Variants in LINGO2 observed in about 807,000 individuals in gnomAD.
The protein encoded by LINGO2 is leucine-rich repeat and immunoglobulin-like domain-containing nogo receptor-interacting protein 2.
A neutral mutation model predicts 30.6 loss-of-function variants in LINGO2; 14 were observed. The observed-to-expected ratio is 0.46, with a 90% CI of 0.30 to 0.72. The LOEUF (loss-of-function observed/expected upper bound fraction) is 0.72, where lower values mean the gene tolerates loss of function less well. Ranked by LOEUF, LINGO2 falls within the 30% of genes least tolerant of loss-of-function variation. LINGO2 has a pLI of 0.07. For missense variants in LINGO2, 729 were observed against 751.7 expected (o/e 0.97, Z 0.35); for synonymous variants, 317 against 288.5 (o/e 1.10, Z -1.00).
At chr9:28,503,092 T>C (rs2135323791) in intron 1 of LINGO2, among the ~76,000 whole-genome samples, 1 of 152,160 alleles carries the variant, frequency 6.6e-6, no homozygotes, top group African/African-American at 2.4e-5. Context: ...AAGGTATAAT[T>C]TTTACGAATT....
At chr9:29,003,426 A>G in the LINGO2 span, among the ~76,000 whole-genome samples, 1 of 151,996 alleles carries the variant, frequency 6.6e-6, no homozygotes, top group Non-Finnish European at 1.5e-5. Context: ...CCACTTTTAC[A>G]GGTGTGTAGA....
At chr9:28,336,035 A>C (rs1270992495) in intron 3 of LINGO2, among the ~76,000 whole-genome samples, 1 of 152,034 alleles carries the variant, frequency 6.6e-6, no homozygotes, top group African/African-American at 2.4e-5. Context: ...GTGGTTATAC[A>C]ATTTTACATT....
chr9:27,943,036 T>A, the LINGO2 span: 1 of 152,198 alleles, frequency 6.6e-6, no homozygotes, highest in Non-Finnish European at 1.5e-5. Flanking sequence ...TGTATATACA[T>A]CATTTTGCTG....
the LINGO2 span, among the ~76,000 whole-genome samples, chr9:29,035,604 G>T: frequency 1.2e-5 from 1 of 81,548 alleles, no homozygotes; most frequent in East Asian, 4.1e-4. Flanking sequence ...GCAGAAGCTT[G>T]AAGTCAAAAC....
chr9:28,283,637 C>T (rs1823404386), intron 4 of LINGO2, among the ~76,000 whole-genome samples: 1 of 152,114 alleles, frequency 6.6e-6, no homozygotes, highest in African/African-American at 2.4e-5. Flanking sequence ...AAAACTCACA[C>T]ATGTATTAGC....
chr9:28,854,681 G>A, the LINGO2 span, among the ~76,000 whole-genome samples: 16 of 151,738 alleles, frequency 1.1e-4, no homozygotes, highest in African/African-American at 3.9e-4. Flanking sequence ...AATATGAAAC[G>A]GTGCCTTTGG....
At chr9:28,495,193 TCTACTGTGCAGAAGC>T (rs1250621707) in intron 1 of LINGO2, among the ~76,000 whole-genome samples, 1 of 151,832 alleles carries the variant, frequency 6.6e-6, no homozygotes, top group Non-Finnish European at 1.5e-5. Flanking sequence ...TGGTAGTTTT[TCTACTGTGCAGAAGC>T]TCTTTAGTTT....
At chr9:28,729,410 C>A in the LINGO2 span, among the ~76,000 whole-genome samples, 4 of 151,736 alleles carry the variant, frequency 2.6e-5, no homozygotes, top group Admixed American at 6.6e-5. Flanking sequence ...GAAACCAGAA[C>A]AGAAACAGAG....
the LINGO2 span, among the ~76,000 whole-genome samples, chr9:28,832,875 T>C: frequency 1.3e-5 from 2 of 152,086 alleles, no homozygotes; most frequent in Non-Finnish European, 2.9e-5. Context: ...ATTTGATTCA[T>C]GTTTTGTATA....
At chr9:28,501,774 G>C (rs566490404) in intron 1 of LINGO2, among the ~76,000 whole-genome samples, 1 of 151,984 alleles carries the variant, frequency 6.6e-6, no homozygotes, top group Admixed American at 6.6e-5. Flanking sequence ...CTAATATCCT[G>C]CTTTGCAATC....
intron 2 of LINGO2, among the ~76,000 whole-genome samples, chr9:28,388,504 T>C (rs1821692021): frequency 6.6e-6 from 1 of 152,220 alleles, no homozygotes; most frequent in African/African-American, 2.4e-5. Flanking sequence ...GGCAATTTGT[T>C]TCCCAAATAC....
intron 2 of LINGO2, among the ~76,000 whole-genome samples, chr9:28,380,407 A>G (rs1821305679): frequency 8.8e-6 from 1 of 113,456 alleles, no homozygotes; most frequent in Non-Finnish European, 2.0e-5. Flanking sequence ...TTTTTTTCCA[A>G]TGGTAAGAGT....
chr9:28,435,064 G>A (rs1038168415), intron 2 of LINGO2, among the ~76,000 whole-genome samples: 3 of 151,942 alleles, frequency 2.0e-5, no homozygotes, highest in Middle Eastern at 3.4e-3. Flanking sequence ...GTTAACTTTT[G>A]GGAAACAAAC....
At chr9:28,052,696 G>A (rs565674607) in intron 4 of LINGO2, among the ~76,000 whole-genome samples, 1 of 152,140 alleles carries the variant, frequency 6.6e-6, no homozygotes, top group African/African-American at 2.4e-5. Context: ...GGCAGTTAGG[G>A]TCTCCAAACT....
At chr9:28,774,219 T>G in the LINGO2 span, among the ~76,000 whole-genome samples, 1 of 152,188 alleles carries the variant, frequency 6.6e-6, no homozygotes, top group African/African-American at 2.4e-5. Flanking sequence ...TCTATTCTTA[T>G]AATAGTTTTC....
intron 1 of LINGO2, among the ~76,000 whole-genome samples, chr9:28,512,618 TATATATATATATATATATAC>T (rs779282313): frequency 0.62 from 64,187 of 104,280 alleles, 18,497 homozygotes; most frequent in South Asian, 0.73. Flanking sequence ...TATATATATA[TATATATATATATATATATAC>T]ACACATACAT....
the LINGO2 span, among the ~76,000 whole-genome samples, chr9:28,894,903 C>T: frequency 6.6e-6 from 1 of 151,996 alleles, no homozygotes; most frequent in Non-Finnish European, 1.5e-5. Context: ...AAGAACAAAA[C>T]ACAGTTATTA....
At chr9:29,115,427 T>G in the LINGO2 span, among the ~76,000 whole-genome samples, 1 of 152,014 alleles carries the variant, frequency 6.6e-6, no homozygotes, top group Non-Finnish European at 1.5e-5. Context: ...AATCTTGAGT[T>G]TACCAGTAGG....
At chr9:28,119,194 T>C (rs1357392845) in intron 4 of LINGO2, among the ~76,000 whole-genome samples, 3 of 152,214 alleles carry the variant, frequency 2.0e-5, no homozygotes, top group Non-Finnish European at 4.4e-5. Context: ...TTTTAGCATG[T>C]AGGTCAGTAA....
Sources: allele counts gnomAD v4.1 joint callset (sites outside exome capture counted in the v4.1 genomes callset), GRCh38; gene constraint gnomAD v4.1.1; transcripts MANE v1.5; gene names NCBI Gene and HGNC (gene_info 2026-07-23, HGNC 2026-07-21).